The following PALS1 variants were observed in gnomAD, a reference collection of about 807,000 sequenced individuals.
PALS1 encodes protein associated with LIN7 1, MAGUK p55 family member, also known as protein PALS1.
A neutral mutation model predicts 78.9 loss-of-function variants in PALS1; 31 were observed. The ratio of observed to expected loss-of-function variants is 0.39; its 90% CI spans 0.30 to 0.53. The LOEUF (loss-of-function observed/expected upper bound fraction) is 0.53, where lower values mean the gene tolerates loss of function less well. PALS1 is among the 20% of genes least tolerant of loss of function. The probability of loss-of-function intolerance (pLI) is 0.67; values close to 1 mark genes in which losing one functional copy is unlikely to be tolerated. For synonymous variants in PALS1, 276 were observed against 270.9 expected (o/e 1.02, Z -0.18); for missense variants, 704 against 826.5 (o/e 0.85, Z 1.82).
At chr14:67,301,303 T>G (rs1276707316) in intron 4 of PALS1, 86 bp from the exon 5 acceptor site, 11 of 636,390 alleles carry the variant, frequency 1.7e-5, no homozygotes, top group Non-Finnish European at 2.8e-5. Flanking sequence ...TATTTTAATT[T>G]GTACTTAAAA....
intron 14 of PALS1, among the ~76,000 whole-genome samples, chr14:67,330,454 CA>C (rs1249171831): frequency 9.5e-5 from 13 of 136,888 alleles, no homozygotes; most frequent in African/African-American, 1.2e-4. Flanking sequence ...AATTTCCCTT[CA>C]TTTTTTTTTT....
chr14:67,243,095 C>A (rs2140390954), intron 1 of PALS1, among the ~76,000 whole-genome samples: 1 of 152,182 alleles, frequency 6.6e-6, no homozygotes, highest in Non-Finnish European at 1.5e-5. Flanking sequence ...ATATTATTTA[C>A]TGAAATGCCC....
At chr14:67,304,534 C>G (rs889685810) in intron 8 of PALS1, among the ~76,000 whole-genome samples, 9 of 152,238 alleles carry the variant, frequency 5.9e-5, no homozygotes, top group Admixed American at 5.9e-4. Context: ...CGAAGGAAGC[C>G]AGTCACAAAA....
chr14:67,304,455 A>G (rs1483992697), intron 8 of PALS1, among the ~76,000 whole-genome samples: 2 of 152,240 alleles, frequency 1.3e-5, no homozygotes, highest in Non-Finnish European at 2.9e-5. Flanking sequence ...ATATTATTTG[A>G]TAATTTTAAA....
Position 67,333,217 on chromosome 14 carries a change from C to T in PALS1, c.*261C>T, listed in dbSNP as rs1315823790. 9.5e-6 allele frequency: 3 copies of T among 315,516 alleles called. No homozygotes were observed. Among genetic ancestry groups the T allele is most frequent in the African/African-American group, 2.1e-5 (1 of 46,676 alleles). 19.5% of individuals were successfully genotyped at this position (315,516 alleles called of 1,614,324 possible). A position where few individuals can be genotyped will look rare whatever the true frequency, so the allele number is the denominator to read the frequency against. ...AATGGAAGCTTTCAACAGAGCATTC[C>T]ATTTTGTCCTGTTAAAACCTTTTGT... On this transcript the variant is annotated 3_prime_UTR_variant, in exon 15 of 15. Transcript: ENST00000261681.
At chr14:67,329,864 AAAT>A (rs1595624074) in intron 14 of PALS1, among the ~76,000 whole-genome samples, 1 of 110,654 alleles carries the variant, frequency 9.0e-6, no homozygotes, top group Non-Finnish European at 1.6e-5. Context: ...ATAAATAAAT[AAAT>A]AAATAAATAA....
intron 1 of PALS1, among the ~76,000 whole-genome samples, chr14:67,250,666 A>G (rs1330029033): frequency 6.6e-6 from 1 of 152,248 alleles, no homozygotes; most frequent in African/African-American, 2.4e-5. Context: ...TCTCTGATCC[A>G]GGTGATTCAT....
intron 14 of PALS1, among the ~76,000 whole-genome samples, chr14:67,328,147 G>A (rs530192850): frequency 1.3e-5 from 2 of 152,270 alleles, no homozygotes; most frequent in East Asian, 3.9e-4. Context: ...AGCACCTGTT[G>A]TTTCCGACTT....
Position 67,318,783 on chromosome 14 carries a change from C to T in PALS1, c.1369+1304C>T, listed in dbSNP as rs553406583. On this transcript the variant is annotated intron_variant, in intron 11 of 14. Transcript: ENST00000261681. ...ATTCAAGTTTAGATATTAGGCCGGGCGCGGTGGGTCATGCCTGTAATCCCA... is the reference window on the plus strand; with the variant it reads ...ATTCAAGTTTAGATATTAGGCCGGGTGCGGTGGGTCATGCCTGTAATCCCA... 1.6e-4 allele frequency among the ~76,000 whole-genome samples: 24 copies of T among 152,180 alleles called. 1 individual carries two copies. In the South Asian group the frequency reaches 4.8e-3, roughly 30 times the overall value.
At chr14:67,281,232 T>A (rs1032831813) in intron 3 of PALS1, among the ~76,000 whole-genome samples, 9 of 152,262 alleles carry the variant, frequency 5.9e-5, no homozygotes, top group Admixed American at 3.3e-4. Flanking sequence ...TCACATCATC[T>A]TCTTTTCTTT....
intron 3 of PALS1, among the ~76,000 whole-genome samples, chr14:67,284,552 A>ACC (rs2084653086): frequency 1.3e-5 from 1 of 77,814 alleles, no homozygotes; most frequent in African/African-American, 1.2e-4. Flanking sequence ...AGTGCTAAAA[A>ACC]AAAAAAAAAA....
At chr14:67,299,061 T>G (rs1158057453) in intron 4 of PALS1, among the ~76,000 whole-genome samples, 1 of 152,240 alleles carries the variant, frequency 6.6e-6, no homozygotes, top group African/African-American at 2.4e-5. Flanking sequence ...TTTGACCACT[T>G]ACCTATTGAT....
chr14:67,280,871 C>CCCTT (rs2084598400), intron 3 of PALS1, among the ~76,000 whole-genome samples: 4 of 131,128 alleles, frequency 3.1e-5, no homozygotes, highest in African/African-American at 1.2e-4. Context: ...CTCCCTCCCT[C>CCCTT]CCTCCCTCCC....
At chr14:67,284,743 C>CAT (rs912063295) in intron 3 of PALS1, among the ~76,000 whole-genome samples, 3 of 151,814 alleles carry the variant, frequency 2.0e-5, no homozygotes, top group African/African-American at 7.3e-5. Flanking sequence ...AATTACATAA[C>CAT]ATAGGCTCTT....
At chr14:67,316,344 CAAA>C (rs1167501892) in intron 9 of PALS1, among the ~76,000 whole-genome samples, 3 of 152,012 alleles carry the variant, frequency 2.0e-5, no homozygotes, top group Non-Finnish European at 4.4e-5. Flanking sequence ...TATACATACA[CAAA>C]AGAAGAGGAA....
intron 2 of PALS1, chr14:67,271,520 G>C (rs183247769): frequency 3.9e-5 from 6 of 152,236 alleles, no homozygotes; most frequent in Admixed American, 3.9e-4. Flanking sequence ...ACTTGATCAA[G>C]AATGTGACAG....
intron 14 of PALS1, among the ~76,000 whole-genome samples, chr14:67,325,360 A>G (rs2085336851): frequency 1.3e-5 from 2 of 152,178 alleles, no homozygotes; most frequent in South Asian, 4.1e-4. Context: ...CATGATGAGC[A>G]TAATTCTGGT....
intron 8 of PALS1, among the ~76,000 whole-genome samples, chr14:67,311,851 A>G (rs946234151): frequency 6.6e-6 from 1 of 152,228 alleles, no homozygotes; most frequent in African/African-American, 2.4e-5. Context: ...AACTTGATTT[A>G]GTTAATTTTA....
At chr14:67,259,782 T>C (rs1023880704) in intron 1 of PALS1, among the ~76,000 whole-genome samples, 1 of 150,906 alleles carries the variant, frequency 6.6e-6, no homozygotes, top group African/African-American at 2.4e-5. Flanking sequence ...CATGGTGCCA[T>C]GCGCCTGTAG....
Sources: allele counts gnomAD v4.1 joint callset (sites outside exome capture counted in the v4.1 genomes callset), GRCh38; gene constraint gnomAD v4.1.1; transcripts MANE v1.5; gene names NCBI Gene and HGNC (gene_info 2026-07-23, HGNC 2026-07-21).